Variants in OTUD7A observed in about 807,000 individuals in gnomAD.
OTUD7A encodes the protein OTU deubiquitinase 7A.
Under a neutral mutation model 65.7 loss-of-function variants are expected in OTUD7A, and 12 were observed. The observed-to-expected ratio is 0.18, with a 90% CI of 0.12 to 0.30. The LOEUF is 0.30. Among genes scored for constraint, OTUD7A ranks in the 10% least tolerant of loss-of-function variants. The pLI is 1.00. For missense variants in OTUD7A, 1,148 were observed against 1,304.8 expected, an observed-to-expected ratio of 0.88 and a Z score of 1.85; for synonymous variants, 641 against 586.3, an observed-to-expected ratio of 1.09 and a Z score of -1.35.
intron 1 of OTUD7A, among the ~76,000 whole-genome samples, chr15:31,838,731 C>G (rs1303448247): frequency 6.6e-6 from 1 of 150,586 alleles, no homozygotes; most frequent in Non-Finnish European, 1.5e-5. Flanking sequence ...ACCCCCATTA[C>G]TCCTAAGTGA....
rs979238157 is a variant in OTUD7A at position 31,487,027 on chromosome 15, G to C, written c.1371+167C>G. On this transcript the variant is annotated intron_variant, in intron 12 of 12. Transcript: ENST00000307050. The surrounding 1 kb of genome is among the most constrained non-coding windows in gnomAD (Gnocchi z 6.0). ...AGCTGCATGCAGCTGGGATGGCTAG[G>C]TCAAAGGAGGTGGAGGAGCTACTGG... 6.6e-6 allele frequency among the ~76,000 whole-genome samples: 1 copy of C among 152,112 alleles called. No homozygotes were observed. Among genetic ancestry groups the C allele is most frequent in the Non-Finnish European group, 1.5e-5 (1 of 68,020 alleles).
intron 1 of OTUD7A, among the ~76,000 whole-genome samples, chr15:31,658,869 TA>T (rs149855057): frequency 0.014 from 1,706 of 120,624 alleles, 24 homozygotes; most frequent in African/African-American, 0.039. Context: ...CTCTACTAAT[TA>T]AAAAAAAAAA....
At chr15:31,776,091 C>A (rs1051409511) in intron 1 of OTUD7A, among the ~76,000 whole-genome samples, 4 of 152,210 alleles carry the variant, frequency 2.6e-5, no homozygotes, top group African/African-American at 9.6e-5. Context: ...ACTGCAGAGG[C>A]GCCCCGTCAT....
intron 5 of OTUD7A, among the ~76,000 whole-genome samples, chr15:31,540,710 A>T (rs1425331697): frequency 6.6e-6 from 1 of 152,216 alleles, no homozygotes; most frequent in African/African-American, 2.4e-5. Flanking sequence ...TCCTGAGTTA[A>T]ATAAAGGAGT....
At chr15:31,856,886 G>C (rs1897588315) in intron 1 of OTUD7A, among the ~76,000 whole-genome samples, 1 of 152,348 alleles carries the variant, frequency 6.6e-6, no homozygotes, top group Middle Eastern at 3.4e-3. Context: ...TGGTGGAGAA[G>C]GGGCTTGTTG....
intron 3 of OTUD7A, among the ~76,000 whole-genome samples, chr15:31,580,296 G>C (rs1889334277): frequency 6.6e-6 from 1 of 152,180 alleles, no homozygotes; most frequent in African/African-American, 2.4e-5. Flanking sequence ...CCAGGAGAGA[G>C]ATGCCCTGCA....
chr15:31,861,620 C>T (rs1024204965), intron 1 of OTUD7A, among the ~76,000 whole-genome samples: 7 of 152,064 alleles, frequency 4.6e-5, no homozygotes, highest in African/African-American at 7.2e-5. Context: ...CCACGTGGAC[C>T]CAAGAGCTGA....
At position 31,528,145 on chromosome 15, in the gene OTUD7A, G is replaced by T. The variant is rs148601089; in HGVS notation, c.653-837C>A. Among the ~76,000 whole-genome samples, 490 of 152,350 alleles carry T rather than the reference G, an allele frequency of 3.2e-3. 4 individuals carry two copies. Among genetic ancestry groups the T allele is most frequent in the African/African-American group, 0.011 (459 of 41,574 alleles). ...AAATCTCATGGAGCACATGTTGTGG[G>T]GAAGTGGGAAGTGAGGATAGCCACG... On this transcript the variant is annotated intron_variant, in intron 6 of 12. Transcript: ENST00000307050.
In OTUD7A at chr15:31,735,414, G is replaced by C. The variant is rs1187972791; in HGVS notation, c.-99-78337C>G. The stretch of plus-strand genomic sequence containing the variant: ...GTGGTGGCACACGCCTGTAATCCCA[G>C]CTACTCGGGAGGCTGATGCAGGGGA... On this transcript the variant is annotated intron_variant, in intron 1 of 12. Transcript: ENST00000307050. Among the ~76,000 whole-genome samples, 8 of 152,090 alleles carry C rather than the reference G, an allele frequency of 5.3e-5. No homozygotes were observed. The South Asian group carries it at 6.2e-4, about 12-fold the overall frequency.
At chr15:31,617,338 T>C (rs541015571) in intron 3 of OTUD7A, among the ~76,000 whole-genome samples, 150 of 152,102 alleles carry the variant, frequency 9.9e-4, no homozygotes, top group African/African-American at 3.5e-3. Flanking sequence ...AATACAAAAA[T>C]TAGCTGGCCG....
intron 1 of OTUD7A, among the ~76,000 whole-genome samples, chr15:31,793,882 T>G (rs1252240000): frequency 6.6e-6 from 1 of 152,230 alleles, no homozygotes; most frequent in Non-Finnish European, 1.5e-5. Flanking sequence ...GCCTTGGTAT[T>G]CCAGAGATGG....
In OTUD7A at chr15:31,766,810, T is replaced by A. The variant is rs865883170; in HGVS notation, c.-100+103697A>T. 129 of 1,612,768 alleles carry A rather than the reference T, an allele frequency of 8.0e-5. No homozygotes were observed. The African/African-American group carries it at 1.5e-3, about 18-fold the overall frequency. On this transcript the variant is annotated intron_variant, in intron 1 of 12. Coordinates refer to ENST00000307050, the MANE Select transcript of OTUD7A (RefSeq NM_001382637.1). ...CAGGAATTCCTGTTTGGGCTTAGAC[T>A]CTAAAAACAGTTTATTATTTTGTCC...
At position 31,475,499 on chromosome 15, in the gene OTUD7A, T is replaced by C. The variant is rs2041004063; in HGVS notation, c.*7795A>G. On this transcript the variant is annotated 3_prime_UTR_variant, in exon 13 of 13. Transcript: ENST00000307050. ...ACACAGATTACAGAGCTATTTTTAC[T>C]TGAAATAATCTTTCATAAAAGAAAG... 1 of 152,248 alleles carries C rather than the reference T, an allele frequency of 6.6e-6. No homozygotes were observed. The highest frequency in any genetic ancestry group is 1.5e-5 in the Non-Finnish European group (1 of 68,046). The allele number at this position is 152,248 out of a possible 1,614,324, so 9.4% of individuals were successfully genotyped here.
At chr15:31,501,551 A>C (rs996149023) in intron 10 of OTUD7A, 139 bp downstream of exon 10, 8 of 1,062,050 alleles carry the variant, frequency 7.5e-6, no homozygotes, top group African/African-American at 1.6e-5. Flanking sequence ...TTATGCAAAA[A>C]CTGTCACTGC....
At chr15:31,697,502 TGTGGTTTTA>T (rs1168427402) in intron 1 of OTUD7A, among the ~76,000 whole-genome samples, 1 of 140,436 alleles carries the variant, frequency 7.1e-6, no homozygotes, top group African/African-American at 2.6e-5. Context: ...ACCCAGCATC[TGTGGTTTTA>T]GGCTCAGGGG....
chr15:31,537,332 G>A (rs1002685596), intron 5 of OTUD7A, among the ~76,000 whole-genome samples: 6 of 152,068 alleles, frequency 3.9e-5, no homozygotes, highest in Non-Finnish European at 5.9e-5. Flanking sequence ...AAATAACTGC[G>A]CCCTTAATTC....
intron 1 of OTUD7A, among the ~76,000 whole-genome samples, chr15:31,699,137 T>C (rs1893151286): frequency 6.7e-6 from 1 of 149,462 alleles, no homozygotes; most frequent in African/African-American, 2.5e-5. Context: ...TGGAGTGCAG[T>C]GGTGCGATCT....
At chr15:31,530,626 T>C (rs955795541) in intron 6 of OTUD7A, 81 bp downstream of exon 6, 4 of 1,293,756 alleles carry the variant, frequency 3.1e-6, no homozygotes, top group African/African-American at 3.0e-5. Flanking sequence ...TTTCCTTCAA[T>C]AGTGTTTCCT....
At chr15:31,734,835 A>G (rs1359530681) in intron 1 of OTUD7A, among the ~76,000 whole-genome samples, 1 of 151,940 alleles carries the variant, frequency 6.6e-6, no homozygotes, top group African/African-American at 2.4e-5. Flanking sequence ...CATCCTGGAC[A>G]TAGGTACAGG....
Sources: allele counts gnomAD v4.1 joint callset (sites outside exome capture counted in the v4.1 genomes callset), GRCh38; gene constraint gnomAD v4.1.1; non-coding constraint Gnocchi (gnomAD v3.1); transcripts MANE v1.5; gene names NCBI Gene and HGNC (gene_info 2026-07-23, HGNC 2026-07-21).